The following PCDHGA7 variants were observed in gnomAD, a reference collection of about 807,000 sequenced individuals.
PCDHGA7 encodes protocadherin gamma subfamily A, 7.
In PCDHGA7, 44 loss-of-function variants were observed where a neutral mutation model predicts 58.3. The ratio of observed to expected loss-of-function variants is 0.75; its 90% CI spans 0.59 to 0.97. PCDHGA7 has a LOEUF of 0.97. Ranked by LOEUF, PCDHGA7 falls within the 50% of genes least tolerant of loss-of-function variation. PCDHGA7 has a pLI of 0.00. For synonymous variants in PCDHGA7, 516 were observed against 504.2 expected (o/e 1.02, Z -0.31); for missense variants, 1,266 against 1,188.7 (o/e 1.06, Z -0.96).
chr5:141,486,400 T>G lies in PCDHGA7; in HGVS notation c.2425-8407T>G. On this transcript the variant is annotated intron_variant, in intron 1 of 3. Transcript: ENST00000518325. This position sits in a 1 kb window ranked among gnomAD's most constrained non-coding sequence, Gnocchi z 5.0. Reference sequence around the variant, plus strand: ...TCAGGAACCAGTTCTCCCTGGTGACTGCTGGACCCTTGGATCGAGAGGCCA... The same window carrying G: ...TCAGGAACCAGTTCTCCCTGGTGACGGCTGGACCCTTGGATCGAGAGGCCA... 5.0e-6 allele frequency: 8 copies of G among 1,614,194 alleles called. No homozygotes were observed. The highest frequency in any genetic ancestry group is 6.8e-6 in the Non-Finnish European group (8 of 1,180,028).
At chr5:141,484,950 T>G in intron 1 of PCDHGA7, 1 of 561,950 alleles carries the variant, frequency 1.8e-6, no homozygotes, top group Non-Finnish European at 3.2e-6. Context: ...GCTCAGCCTA[T>G]TGGCTGAGCC....
chr5:141,467,625 T>C (rs1407031447), intron 1 of PCDHGA7, among the ~76,000 whole-genome samples: 1 of 152,202 alleles, frequency 6.6e-6, no homozygotes, highest in African/African-American at 2.4e-5. Flanking sequence ...TGATTTGAGA[T>C]AGCATCTTTA....
At chr5:141,408,396 A>G (rs764101918) in intron 1 of PCDHGA7, 18 of 1,614,020 alleles carry the variant, frequency 1.1e-5, no homozygotes, top group South Asian at 5.5e-5. Flanking sequence ...TCGGCTCGCA[A>G]GCTGCGAGTG....
At chr5:141,388,908 G>A (rs1240421900) in intron 1 of PCDHGA7, 5 of 1,613,892 alleles carry the variant, frequency 3.1e-6, no homozygotes, top group Admixed American at 1.7e-5. Flanking sequence ...AAATGACAAC[G>A]CCCCAGAAGT....
chr5:141,494,675 C>A, intron 1 of PCDHGA7, 132 bp from the exon 2 acceptor site: 2 of 1,548,574 alleles, frequency 1.3e-6, no homozygotes, highest in South Asian at 1.2e-5. Flanking sequence ...TGAGTCCACC[C>A]CTGCCCCCTC....
Position 141,432,923 on chromosome 5 carries a change from T to C in PCDHGA7, c.2424+47600T>C. ...GCTCAGGCTGCGGCGCTGGCACAAG[T>C]CACGCCTGCTGCAGGCTTCAGGAGG... On this transcript the variant is annotated intron_variant, in intron 1 of 3. Coordinates refer to ENST00000518325, the MANE Select transcript of PCDHGA7 (RefSeq NM_018920.4). This position sits in a 1 kb window ranked among gnomAD's most constrained non-coding sequence, Gnocchi z 6.0. The C allele has an allele frequency of 6.2e-7, 1 of 1,614,186 alleles. No homozygotes were observed. Among genetic ancestry groups the C allele is most frequent in the Non-Finnish European group, 8.5e-7 (1 of 1,180,034 alleles).
At chr5:141,419,803 T>C (rs2096436352) in intron 1 of PCDHGA7, 3 of 1,614,026 alleles carry the variant, frequency 1.9e-6, no homozygotes, top group Non-Finnish European at 2.5e-6. Context: ...CTGTAAGAGA[T>C]GGAGGACAGC....
intron 1 of PCDHGA7, among the ~76,000 whole-genome samples, chr5:141,447,761 T>C (rs2098551051): frequency 1.3e-5 from 2 of 152,186 alleles, no homozygotes; most frequent in African/African-American, 4.8e-5. Context: ...TGACTGTATA[T>C]AAATTATACT....
At chr5:141,473,270 T>C (rs538574742) in intron 1 of PCDHGA7, among the ~76,000 whole-genome samples, 4 of 152,326 alleles carry the variant, frequency 2.6e-5, no homozygotes, top group African/African-American at 9.6e-5. Context: ...GTGTATGCTA[T>C]GATTATTTTA....
chr5:141,415,163 C>G (rs572456395), intron 1 of PCDHGA7: 11 of 1,613,856 alleles, frequency 6.8e-6, no homozygotes, highest in African/African-American at 1.3e-5. Context: ...GCCACTGTCA[C>G]GCTCACCGTG....
At chr5:141,430,883 G>T in intron 1 of PCDHGA7, 1 of 1,601,036 alleles carries the variant, frequency 6.2e-7, no homozygotes, top group Non-Finnish European at 8.5e-7. Context: ...GCTGGAGAAA[G>T]GCTCTAGGGT....
rs757926227 is a variant in PCDHGA7, at chr5:141,432,889, G to A, written c.2424+47566G>A. 1.6e-5 allele frequency: 26 copies of A among 1,614,180 alleles called. No individual in the cohort carries two copies. In the East Asian group the frequency reaches 5.8e-4, roughly 36 times the overall value. On this transcript the variant is annotated intron_variant, in intron 1 of 3. Transcript: ENST00000518325. This position sits in a 1 kb window ranked among gnomAD's most constrained non-coding sequence, Gnocchi z 6.0. ...GCGTCTTCCTGGCCTTCGTCATCTT[G>A]CTGCTGGCGCTCAGGCTGCGGCGCT...
intron 1 of PCDHGA7, among the ~76,000 whole-genome samples, chr5:141,452,689 C>G (rs1198702467): frequency 6.6e-6 from 1 of 151,562 alleles, no homozygotes; most frequent in Non-Finnish European, 1.5e-5. Context: ...AGAATGAAAC[C>G]CTGTCAAGAA....
At chr5:141,393,285 G>A (rs771057124) in intron 1 of PCDHGA7, 2 of 1,613,966 alleles carry the variant, frequency 1.2e-6, no homozygotes, top group Non-Finnish European at 1.7e-6. Context: ...CCCAGAAGCT[G>A]TTGACCCGGA....
intron 1 of PCDHGA7, chr5:141,409,346 G>A (rs573212606): frequency 4.3e-6 from 7 of 1,613,998 alleles, no homozygotes; most frequent in South Asian, 2.2e-5. Context: ...AAATGGAGAA[G>A]TCAGGTGTAA....
Position 141,383,044 on chromosome 5 carries a change from G to A in PCDHGA7, c.145G>A (p.Ala49Thr). ...TDKGSFVGDI[A>T]KDLGLEPREL... ...CAAAGGGTCCTTTGTGGGAGACATC[G>A]CCAAGGACCTGGGGCTGGAGCCCCG... Residue 49 changes from alanine (A) to threonine (T), a missense_variant, in exon 1 of 4, where the codon GCC becomes ACC. Coordinates refer to ENST00000518325, the MANE Select transcript of PCDHGA7 (RefSeq NM_018920.4). 1.2e-6 allele frequency: 2 copies of A among 1,613,876 alleles called. No homozygotes were observed. Among genetic ancestry groups the A allele is most frequent in the Non-Finnish European group, 1.7e-6 (2 of 1,179,912 alleles).
chr5:141,415,533 G>C lies in PCDHGA7; in HGVS notation c.2424+30210G>C, dbSNP rs749139053. On this transcript the variant is annotated intron_variant, in intron 1 of 3. Coordinates refer to ENST00000518325, the MANE Select transcript of PCDHGA7 (RefSeq NM_018920.4). ...ATTATGCGGACACGCTCATCAGCCA[G>C]GAGAGCTGTGAGAAAAACGATCCTT... is the stretch of plus-strand genomic sequence containing the variant. 1.4e-5 allele frequency: 22 copies of C among 1,614,080 alleles called. No individual in the cohort carries two copies. Among genetic ancestry groups the C allele is most frequent in the Non-Finnish European group, 1.9e-5 (22 of 1,180,042 alleles).
In PCDHGA7 at chr5:141,384,899, G is replaced by A; in HGVS notation, c.2000G>A (p.Ser667Asn). Residue 667 changes from serine to asparagine, a missense_variant, in exon 1 of 4, where the codon AGC (serine) becomes AAC (asparagine). Transcript: ENST00000518325. ...ACACTCACCGTGGCTGTGGCTGACA[G>A]CATCCCCGAAGTCTTGGCCGACCTG... ...TVTLTVAVAD[S>N]IPEVLADLGS... is the part of the protein sequence containing the mutation. The A allele has an allele frequency of 1.9e-6, 3 of 1,613,894 alleles. No homozygotes were observed. In the East Asian group the frequency reaches 6.7e-5, roughly 36 times the overall value.
At chr5:141,475,145 C>T (rs1214674720) in intron 1 of PCDHGA7, among the ~76,000 whole-genome samples, 2 of 151,980 alleles carry the variant, frequency 1.3e-5, no homozygotes, top group Non-Finnish European at 1.5e-5. Flanking sequence ...AAATCTTCTC[C>T]GTCTTCTTCT....
Sources: gnomAD v4.1 joint callset for allele counts (sites outside exome capture counted in the v4.1 genomes callset) on GRCh38, gnomAD v4.1.1 for gene constraint, Gnocchi (gnomAD v3.1) non-coding constraint, MANE v1.5 for transcripts, NCBI Gene and HGNC (gene_info 2026-07-23, HGNC 2026-07-21) for gene names.